Variants in ZRANB3 observed in about 807,000 individuals in gnomAD.
ZRANB3 encodes DNA annealing helicase and endonuclease ZRANB3.
In ZRANB3, 125 loss-of-function variants were observed where a neutral mutation model predicts 133.8. The ratio of observed to expected loss-of-function variants is 0.93; its 90% CI spans 0.81 to 1.08. The LOEUF (loss-of-function observed/expected upper bound fraction) is 1.08, where lower values mean the gene tolerates loss of function less well. Among genes scored for constraint, ZRANB3 ranks in the 50% least tolerant of loss-of-function variants. The probability of loss-of-function intolerance (pLI) is 0.00; values close to 1 mark genes in which losing one functional copy is unlikely to be tolerated. For synonymous variants in ZRANB3, 387 were observed against 432.7 expected (o/e 0.89, Z 1.31); for missense variants, 1,229 against 1,275.5 (o/e 0.96, Z 0.56).
At chr2:135,390,737 A>C in intron 3 of ZRANB3, 65 bp downstream of exon 3, 5 of 1,547,524 alleles carry the variant, frequency 3.2e-6, no homozygotes, top group Non-Finnish European at 4.4e-6. Context: ...TACATGGAAA[A>C]TAGCAGACAC....
At chr2:135,482,123 T>A (rs1401980142) in intron 2 of ZRANB3, among the ~76,000 whole-genome samples, 2 of 138,508 alleles carry the variant, frequency 1.4e-5, no homozygotes, top group Non-Finnish European at 3.0e-5. Context: ...CCATATGAAC[T>A]TTAAAGTAGT....
At position 135,271,874 on chromosome 2, in the gene ZRANB3, C is replaced by T; in HGVS notation, c.1100G>A (p.Arg367Lys). ...AVIENKTRYI[R>K]IDGSVSSSER... is the part of the protein sequence containing the mutation. The stretch of plus-strand genomic sequence containing the variant: ...TGAAGATGAAACACTTCCATCTATC[C>T]TAATGTAACGAGTCTAGCATCAACA... The change falls in exon 10 of 21, where the codon AGG (arginine) becomes AAG (lysine). Residue 367 changes from arginine to lysine, a missense_variant. Physicochemically the swap from Arg to Lys is conservative, Grantham distance 26. Coordinates refer to ENST00000264159, the MANE Select transcript of ZRANB3 (RefSeq NM_032143.4). The T allele has an allele frequency of 6.2e-7, 1 of 1,613,120 alleles. No homozygotes were observed. Among genetic ancestry groups the T allele is most frequent in the Non-Finnish European group, 8.5e-7 (1 of 1,179,634 alleles).
chr2:135,525,722 C>A (rs1353996973), intron 1 of ZRANB3, among the ~76,000 whole-genome samples: 1 of 151,876 alleles, frequency 6.6e-6, no homozygotes, highest in African/African-American at 2.4e-5. Flanking sequence ...GTGGTGCGTG[C>A]CTGTAATCCC....
chr2:135,255,516 T>C (rs1679609702), intron 12 of ZRANB3, among the ~76,000 whole-genome samples: 1 of 152,198 alleles, frequency 6.6e-6, no homozygotes, highest in African/African-American at 2.4e-5. Context: ...TCATTCTAGT[T>C]CATAAACAGG....
chr2:135,214,204 G>A (rs567873085), intron 17 of ZRANB3, among the ~76,000 whole-genome samples: 6 of 152,292 alleles, frequency 3.9e-5, no homozygotes, highest in African/African-American at 1.4e-4. Context: ...ATAAATGTGT[G>A]TTGTTTTAAG....
At chr2:135,237,644 A>G (rs576427127) in intron 12 of ZRANB3, among the ~76,000 whole-genome samples, 21 of 152,248 alleles carry the variant, frequency 1.4e-4, no homozygotes, top group African/African-American at 5.1e-4. Context: ...CTTTGTAGGG[A>G]CATGGATGAA....
chr2:135,359,996 T>C (rs1172639013), intron 3 of ZRANB3, among the ~76,000 whole-genome samples: 1 of 152,204 alleles, frequency 6.6e-6, no homozygotes. Context: ...AAAAGTATAT[T>C]GGCATAATCT....
intron 19 of ZRANB3, among the ~76,000 whole-genome samples, chr2:135,204,011 G>A (rs1438829611): frequency 2.0e-5 from 3 of 152,172 alleles, no homozygotes; most frequent in Admixed American, 2.0e-4. Context: ...GATGAGTATG[G>A]CACTTGCTTT....
At chr2:135,308,909 A>T (rs1682835057) in intron 8 of ZRANB3, among the ~76,000 whole-genome samples, 1 of 152,118 alleles carries the variant, frequency 6.6e-6, no homozygotes, top group African/African-American at 2.4e-5. Context: ...TTTCTTCTCT[A>T]AACAAACTAG....
At chr2:135,359,524 A>C (rs1465490204) in intron 3 of ZRANB3, among the ~76,000 whole-genome samples, 1 of 150,904 alleles carries the variant, frequency 6.6e-6, no homozygotes, top group Non-Finnish European at 1.5e-5. Flanking sequence ...TTGAAGCTGT[A>C]GTGTGCCATT....
intron 3 of ZRANB3, among the ~76,000 whole-genome samples, chr2:135,354,194 G>A (rs1685331579): frequency 6.6e-6 from 1 of 152,100 alleles, no homozygotes; most frequent in Non-Finnish European, 1.5e-5. Flanking sequence ...TATATAATTA[G>A]TTTTATAAAA....
At chr2:135,285,907 A>G (rs1441300168) in intron 8 of ZRANB3, among the ~76,000 whole-genome samples, 1 of 152,214 alleles carries the variant, frequency 6.6e-6, no homozygotes, top group African/African-American at 2.4e-5. Context: ...TGTATTCTCA[A>G]CATACATTAC....
chr2:135,218,341 C>G (rs1008978377), intron 16 of ZRANB3, among the ~76,000 whole-genome samples: 2 of 152,064 alleles, frequency 1.3e-5, no homozygotes, highest in Non-Finnish European at 2.9e-5. Flanking sequence ...AAAAAAACAT[C>G]AATAAATCTG....
intron 8 of ZRANB3, among the ~76,000 whole-genome samples, chr2:135,299,396 C>T (rs1466551627): frequency 2.0e-5 from 3 of 152,138 alleles, no homozygotes; most frequent in Non-Finnish European, 2.9e-5. Flanking sequence ...CAGCTCTTGC[C>T]CCAGGCTACA....
intron 2 of ZRANB3, among the ~76,000 whole-genome samples, chr2:135,397,477 G>T (rs1167122718): frequency 3.3e-5 from 5 of 150,744 alleles, no homozygotes; most frequent in Non-Finnish European, 7.4e-5. Context: ...GAAAAGAAAA[G>T]AAAAACCTTT....
At chr2:135,292,108 C>T (rs903840954) in intron 8 of ZRANB3, among the ~76,000 whole-genome samples, 24 of 152,114 alleles carry the variant, frequency 1.6e-4, no homozygotes, top group African/African-American at 5.8e-4. Context: ...TGGGTATATA[C>T]CCAGTAATGG....
At chr2:135,386,206 G>T (rs1345260554) in intron 3 of ZRANB3, among the ~76,000 whole-genome samples, 3 of 152,120 alleles carry the variant, frequency 2.0e-5, no homozygotes, top group African/African-American at 7.2e-5. Flanking sequence ...CTTCTCAAAA[G>T]AAGACATTTA....
At chr2:135,303,242 T>C (rs960875514) in intron 8 of ZRANB3, among the ~76,000 whole-genome samples, 17 of 152,200 alleles carry the variant, frequency 1.1e-4, no homozygotes, top group African/African-American at 3.4e-4. Context: ...TTAATCTCAA[T>C]TTTTTCTTCA....
intron 2 of ZRANB3, among the ~76,000 whole-genome samples, chr2:135,482,243 C>G (rs1171521198): frequency 7.2e-6 from 1 of 138,012 alleles, no homozygotes; most frequent in East Asian, 2.0e-4. Context: ...TCTTCCTACC[C>G]ATGAGCATGG....
Sources: allele counts gnomAD v4.1 joint callset (sites outside exome capture counted in the v4.1 genomes callset), GRCh38; gene constraint gnomAD v4.1.1; transcripts MANE v1.5; gene names NCBI Gene and HGNC (gene_info 2026-07-23, HGNC 2026-07-21).